Variants in DLGAP2 observed in about 807,000 individuals in gnomAD.
DLGAP2 encodes disks large-associated protein 2.
DLGAP2 carries 26 observed loss-of-function variants against 100.3 expected under a neutral mutation model. The ratio of observed to expected loss-of-function variants is 0.26; its 90% CI spans 0.19 to 0.36. DLGAP2 has a LOEUF of 0.36. DLGAP2 is among the 10% of genes least tolerant of loss of function. The probability of loss-of-function intolerance (pLI) is 1.00; values close to 1 mark genes in which losing one functional copy is unlikely to be tolerated. For missense variants in DLGAP2, 1,858 were observed against 1,453.2 expected, an observed-to-expected ratio of 1.28 and a Z score of -4.53; for synonymous variants, 886 against 630.1, an observed-to-expected ratio of 1.41 and a Z score of -6.08.
At chr8:1,649,108 C>G (rs1798106669) in intron 8 of DLGAP2, among the ~76,000 whole-genome samples, 1 of 152,140 alleles carries the variant, frequency 6.6e-6, no homozygotes, top group East Asian at 1.9e-4. Context: ...TAAAAATTAT[C>G]CAGGTGTATA....
chr8:769,264 G>C (rs1585843275), intron 1 of DLGAP2, among the ~76,000 whole-genome samples: 1 of 152,178 alleles, frequency 6.6e-6, no homozygotes, highest in Admixed American at 6.5e-5. Flanking sequence ...TTGCAGTCTT[G>C]GGTCTCAGCA....
chr8:891,332 G>C (rs747511777), intron 1 of DLGAP2: 1 of 152,764 alleles, frequency 6.5e-6, no homozygotes, highest in African/African-American at 2.4e-5. Context: ...GGCCAGGGGT[G>C]GGGGCTGAGA....
At chr8:1,554,133 C>T (rs1801875328) in intron 5 of DLGAP2, among the ~76,000 whole-genome samples, 1 of 152,016 alleles carries the variant, frequency 6.6e-6, no homozygotes, top group Non-Finnish European at 1.5e-5. Context: ...ACTAAAAATA[C>T]AAAAACTAGC....
At chr8:939,906 G>A (rs1003588936) in intron 2 of DLGAP2, among the ~76,000 whole-genome samples, 1 of 151,578 alleles carries the variant, frequency 6.6e-6, no homozygotes, top group Non-Finnish European at 1.5e-5. Flanking sequence ...CCCAGGCTGC[G>A]GTCCCATGAG....
At chr8:1,141,840 A>T (rs1476145405) in intron 2 of DLGAP2, among the ~76,000 whole-genome samples, 1 of 152,188 alleles carries the variant, frequency 6.6e-6, no homozygotes, top group Non-Finnish European at 1.5e-5. Context: ...CTTGATGCTT[A>T]TGTTTAGATT....
At chr8:1,391,742 A>G (rs944156243) in intron 3 of DLGAP2, among the ~76,000 whole-genome samples, 1 of 152,226 alleles carries the variant, frequency 6.6e-6, no homozygotes. Flanking sequence ...ACTTTGGTGC[A>G]AATAATTTAT....
At chr8:1,335,527 C>A (rs943663707) in intron 3 of DLGAP2, among the ~76,000 whole-genome samples, 2 of 152,084 alleles carry the variant, frequency 1.3e-5, no homozygotes, top group African/African-American at 4.8e-5. Context: ...CCCAGAAAGA[C>A]GTGCCAACTG....
At chr8:1,594,350 A>T (rs1404916232) in intron 6 of DLGAP2, among the ~76,000 whole-genome samples, 1 of 152,164 alleles carries the variant, frequency 6.6e-6, no homozygotes, top group Admixed American at 6.5e-5. Context: ...TCAAGAGAAC[A>T]ATGAAGGAAC....
At chr8:1,052,980 C>T (rs1238143904) in intron 2 of DLGAP2, among the ~76,000 whole-genome samples, 2 of 152,170 alleles carry the variant, frequency 1.3e-5, no homozygotes, top group African/African-American at 4.8e-5. Context: ...ATGTGACCTT[C>T]CTTAATTAAC....
chr8:1,368,088 C>T (rs933252534), intron 3 of DLGAP2, among the ~76,000 whole-genome samples: 4 of 152,138 alleles, frequency 2.6e-5, no homozygotes, highest in African/African-American at 9.7e-5. Flanking sequence ...TCCTGTGTTG[C>T]TGTTGTGTTG....
chr8:1,140,272 C>T (rs1465365681), intron 2 of DLGAP2, among the ~76,000 whole-genome samples: 3 of 152,266 alleles, frequency 2.0e-5, no homozygotes, highest in East Asian at 1.9e-4. Context: ...GGGTGGGTGA[C>T]AGCACCTCTG....
intron 3 of DLGAP2, among the ~76,000 whole-genome samples, chr8:1,316,084 C>T (rs200547517): frequency 1.5e-4 from 20 of 132,988 alleles, no homozygotes; most frequent in African/African-American, 1.9e-4. Flanking sequence ...GTCTCTCCCA[C>T]AGTGGTCTAC....
At position 925,393 on chromosome 8, in the gene DLGAP2, T is replaced by C. The variant is rs1371638269; in HGVS notation, c.73+17427T>C. ...CAGCTCAGCTTGTTTCATATACATA[T>C]ATGAAATGTGAATGGTTGTCTCTGG... On this transcript the variant is annotated intron_variant, in intron 2 of 14. Transcript: ENST00000637795. 2.6e-5 allele frequency among the ~76,000 whole-genome samples: 4 copies of C among 152,180 alleles called. No individual in the cohort carries two copies. In the East Asian group the frequency reaches 7.7e-4, roughly 29 times the overall value.
chr8:1,508,168 G>A (rs1800000110), intron 4 of DLGAP2, among the ~76,000 whole-genome samples: 1 of 151,768 alleles, frequency 6.6e-6, no homozygotes, highest in Admixed American at 6.6e-5. Flanking sequence ...GGATGCCAGG[G>A]CTTTTCATCT....
At chr8:1,482,219 A>G (rs896029452) in intron 3 of DLGAP2, among the ~76,000 whole-genome samples, 5 of 152,184 alleles carry the variant, frequency 3.3e-5, no homozygotes, top group African/African-American at 9.7e-5. Context: ...GAGATTCAGA[A>G]CACTTGCTTT....
At chr8:1,642,127 T>C (rs55874118) in intron 8 of DLGAP2, among the ~76,000 whole-genome samples, 3,128 of 3,796 alleles carry the variant, frequency 0.82, 1,521 homozygotes, top group Non-Finnish European at 0.85. Context: ...CCCTCGACCC[T>C]GCCGGTCCTC....
At chr8:1,203,788 C>A (rs1282805812) in intron 2 of DLGAP2, among the ~76,000 whole-genome samples, 1 of 152,176 alleles carries the variant, frequency 6.6e-6, no homozygotes, top group East Asian at 1.9e-4. Context: ...CAGCCAATGT[C>A]ACCTAAAGGT....
chr8:1,248,508 GT>G (rs1429243026), intron 2 of DLGAP2: 5 of 146,180 alleles, frequency 3.4e-5, no homozygotes, highest in East Asian at 2.1e-4. Flanking sequence ...GGGAGTGATG[GT>G]CCATGTCTGT....
At chr8:1,287,221 GTGTGTATGTGGTT>G (rs1799944204) in intron 3 of DLGAP2, among the ~76,000 whole-genome samples, 1 of 145,828 alleles carries the variant, frequency 6.9e-6, no homozygotes, top group Admixed American at 6.8e-5. Flanking sequence ...GTGTGTGTGT[GTGTGTATGTGGTT>G]TTGTTAGGAG....
Sources: gnomAD v4.1 joint callset for allele counts (sites outside exome capture counted in the v4.1 genomes callset) on GRCh38, gnomAD v4.1.1 for gene constraint, MANE v1.5 for transcripts, NCBI Gene and HGNC (gene_info 2026-07-23, HGNC 2026-07-21) for gene names.